Variants in HECW1 observed in about 807,000 individuals in gnomAD.
The protein encoded by HECW1 is E3 ubiquitin-protein ligase HECW1.
Under a neutral mutation model 182.3 loss-of-function variants are expected in HECW1, and 61 were observed. The ratio of observed to expected loss-of-function variants is 0.33; its 90% confidence interval spans 0.27 to 0.41. The LOEUF (loss-of-function observed/expected upper bound fraction) is 0.41. Among genes scored for constraint, HECW1 ranks in the 10% least tolerant of loss-of-function variants. The pLI is 1.00. For missense variants in HECW1, 1,739 were observed against 2,108.9 expected (o/e 0.82, Z 3.44); for synonymous variants, 859 against 832.6 (o/e 1.03, Z -0.55).
intron 8 of HECW1, among the ~76,000 whole-genome samples, chr7:43,434,389 C>G (rs1485516458): frequency 6.6e-6 from 1 of 152,188 alleles, no homozygotes; most frequent in Non-Finnish European, 1.5e-5. Flanking sequence ...TTTTCCCATT[C>G]TACAGGTGAA....
In HECW1 at chr7:43,290,496, G is replaced by A. The variant is rs140828554; in HGVS notation, c.28-21267G>A. Among the ~76,000 whole-genome samples, 25 of 152,238 alleles carry A rather than the reference G, an allele frequency of 1.6e-4. No homozygotes were observed. The East Asian group carries it at 3.9e-3, about 23-fold the overall frequency. ...TCTTGTGATTTTTAACCTCAATGCT[G>A]GTTAGCTGTGCCTAAACTCCAGAAG... On this transcript the variant is annotated intron_variant, in intron 3 of 29. Coordinates refer to ENST00000395891, the MANE Select transcript of HECW1 (RefSeq NM_015052.5).
Position 43,469,038 on chromosome 7 carries a change from A to G in HECW1, c.3032A>G (p.Asn1011Ser). Residue 1011 changes from asparagine to serine, a missense_variant, in exon 16 of 30, where the codon AAC (asparagine) becomes AGC (serine). Physicochemically the swap from Asn to Ser is conservative, Grantham distance 46. Coordinates refer to ENST00000395891, the MANE Select transcript of HECW1 (RefSeq NM_015052.5). ...QHNRDLVNFI[N>S]MFADTRLELP... ...AACCGGGACTTGGTGAATTTCATCA[A>G]CATGTTCGCAGACACTCGGCTGGAA... 9 of 1,614,168 alleles carry G rather than the reference A, an allele frequency of 5.6e-6. No individual in the cohort carries two copies. Among genetic ancestry groups the G allele is most frequent in the South Asian group, 2.2e-5 (2 of 91,080 alleles).
intron 24 of HECW1, 75 bp downstream of exon 24, chr7:43,509,196 CA>C (rs2079739961): frequency 6.8e-7 from 1 of 1,473,346 alleles, no homozygotes; most frequent in African/African-American, 1.4e-5. Context: ...CAGCATTTCT[CA>C]AAGGCCACTG....
chr7:43,216,094 A>T (rs763153165), intron 2 of HECW1, among the ~76,000 whole-genome samples: 1 of 152,154 alleles, frequency 6.6e-6, no homozygotes, highest in Non-Finnish European at 1.5e-5. Context: ...TTGTTTTATA[A>T]GATGAAAGCT....
intron 3 of HECW1, among the ~76,000 whole-genome samples, chr7:43,268,921 T>G (rs1467684648): frequency 6.6e-6 from 1 of 152,190 alleles, no homozygotes; most frequent in Non-Finnish European, 1.5e-5. Flanking sequence ...ACTACCAGTG[T>G]GCGCCACCAA....
At chr7:43,480,296 T>C (rs2078378347) in intron 17 of HECW1, among the ~76,000 whole-genome samples, 1 of 152,212 alleles carries the variant, frequency 6.6e-6, no homozygotes, top group Non-Finnish European at 1.5e-5. Flanking sequence ...ATCACTTCAT[T>C]GCCTTTCTGA....
At chr7:43,321,168 T>A (rs1810067503) in intron 5 of HECW1, among the ~76,000 whole-genome samples, 1 of 152,190 alleles carries the variant, frequency 6.6e-6, no homozygotes. Context: ...ATGGTCCCAG[T>A]CTGTCAGTGA....
chr7:43,135,933 G>T (rs1411014708), intron 2 of HECW1, among the ~76,000 whole-genome samples: 1 of 146,506 alleles, frequency 6.8e-6, no homozygotes, highest in Non-Finnish European at 1.5e-5. Flanking sequence ...GGCCTTTTAT[G>T]CTTTTATGAC....
chr7:43,129,353 C>T (rs1786649025), intron 2 of HECW1, among the ~76,000 whole-genome samples: 1 of 152,190 alleles, frequency 6.6e-6, no homozygotes, highest in South Asian at 2.1e-4. Flanking sequence ...ACTCCACCAG[C>T]AAAAAGATTA....
At chr7:43,283,626 T>A (rs888458405) in intron 3 of HECW1, among the ~76,000 whole-genome samples, 1 of 152,216 alleles carries the variant, frequency 6.6e-6, no homozygotes, top group African/African-American at 2.4e-5. Flanking sequence ...TATTCAAGAT[T>A]GTTGGTCAGT....
chr7:43,219,095 A>C (rs1055973919), intron 2 of HECW1, among the ~76,000 whole-genome samples: 4 of 152,042 alleles, frequency 2.6e-5, no homozygotes, highest in South Asian at 2.1e-4. Flanking sequence ...TAGCCTTCCC[A>C]CTCTAGCCTT....
At chr7:43,465,302 C>T (rs1442294010) in intron 14 of HECW1, among the ~76,000 whole-genome samples, 1 of 152,206 alleles carries the variant, frequency 6.6e-6, no homozygotes, top group Non-Finnish European at 1.5e-5. Flanking sequence ...TACAGGTTGG[C>T]AATTTGAGCT....
intron 10 of HECW1, among the ~76,000 whole-genome samples, chr7:43,443,785 T>C (rs962033210): frequency 2.0e-5 from 3 of 152,230 alleles, no homozygotes; most frequent in Non-Finnish European, 4.4e-5. Flanking sequence ...TATGCCACCC[T>C]GCAGGACCTA....
At chr7:43,385,710 A>G (rs1180570867) in intron 6 of HECW1, among the ~76,000 whole-genome samples, 1 of 152,224 alleles carries the variant, frequency 6.6e-6, no homozygotes, top group Non-Finnish European at 1.5e-5. Flanking sequence ...TGGTTCTACA[A>G]TCAGGCAGAT....
At chr7:43,451,040 A>G (rs1022182221) in intron 12 of HECW1, 111 bp downstream of exon 12, 5 of 737,094 alleles carry the variant, frequency 6.8e-6, no homozygotes, top group African/African-American at 5.2e-5. Flanking sequence ...CGTGCCTTAC[A>G]GTGTTAACAA....
intron 28 of HECW1, among the ~76,000 whole-genome samples, chr7:43,552,874 A>C (rs1379836792): frequency 1.3e-5 from 2 of 151,848 alleles, no homozygotes; most frequent in African/African-American, 4.8e-5. Flanking sequence ...CCTTTCTCCA[A>C]CTCCCAACCT....
intron 3 of HECW1, among the ~76,000 whole-genome samples, chr7:43,266,494 C>T (rs1006181352): frequency 9.2e-5 from 14 of 152,202 alleles, no homozygotes; most frequent in African/African-American, 3.1e-4. Context: ...GCCACCACGC[C>T]CAGCTAATTT....
At chr7:43,281,267 G>A (rs888753211) in intron 3 of HECW1, among the ~76,000 whole-genome samples, 2 of 152,102 alleles carry the variant, frequency 1.3e-5, no homozygotes, top group African/African-American at 4.8e-5. Flanking sequence ...CTCCAAAACG[G>A]CATCTCCTAT....
intron 2 of HECW1, among the ~76,000 whole-genome samples, chr7:43,153,095 A>G (rs1352580915): frequency 6.6e-6 from 1 of 152,042 alleles, no homozygotes; most frequent in Admixed American, 6.6e-5. Flanking sequence ...AGAACTTTCT[A>G]TGATTCTGTG....
Sources: gnomAD v4.1 joint callset for allele counts (sites outside exome capture counted in the v4.1 genomes callset) on GRCh38, gnomAD v4.1.1 for gene constraint, MANE v1.5 for transcripts, NCBI Gene and HGNC (gene_info 2026-07-23, HGNC 2026-07-21) for gene names.